Variants in KCNQ5 observed in about 807,000 individuals in gnomAD.
KCNQ5 encodes the protein potassium voltage-gated channel subfamily KQT member 5.
Under a neutral mutation model 98.2 loss-of-function variants are expected in KCNQ5, and 30 were observed. That is an observed-to-expected ratio of 0.31 (90% CI 0.23 to 0.41). The LOEUF is 0.41. Ranked by LOEUF, KCNQ5 falls within the 10% of genes least tolerant of loss-of-function variation. KCNQ5 has a pLI of 1.00. For synonymous variants in KCNQ5, 458 were observed against 449.4 expected, an observed-to-expected ratio of 1.02 and a Z score of -0.24; for missense variants, 835 against 1,182.5, an observed-to-expected ratio of 0.71 and a Z score of 4.31.
At chr6:73,089,030 A>AC (rs1224764807) in intron 5 of KCNQ5, among the ~76,000 whole-genome samples, 1 of 152,100 alleles carries the variant, frequency 6.6e-6, no homozygotes, top group Non-Finnish European at 1.5e-5. Flanking sequence ...GCTTACAAAA[A>AC]CCTTCCGTCA....
At position 73,061,810 on chromosome 6, in the gene KCNQ5, C is replaced by T. The variant is rs142533598; in HGVS notation, c.617-15512C>T. 1.9e-3 allele frequency among the ~76,000 whole-genome samples: 296 copies of T among 152,190 alleles called. 5 individuals are homozygous for T. In the East Asian group the frequency reaches 0.049, roughly 25 times the overall value. Reference sequence around the variant, plus strand: ...CTTAGCTTAATGCCTGGTGTTTAATCAATACTCCATAACTCTTAGTGGTAG... The same window carrying T: ...CTTAGCTTAATGCCTGGTGTTTAATTAATACTCCATAACTCTTAGTGGTAG... On this transcript the variant is annotated intron_variant, in intron 3 of 13. Transcript: ENST00000370398.
intron 1 of KCNQ5, among the ~76,000 whole-genome samples, chr6:72,737,354 C>T (rs1770902089): frequency 6.6e-6 from 1 of 152,098 alleles, no homozygotes; most frequent in Non-Finnish European, 1.5e-5. Context: ...AGAAAAAATA[C>T]GTAATTGTTA....
intron 1 of KCNQ5, among the ~76,000 whole-genome samples, chr6:72,904,315 T>C (rs2150197837): frequency 6.6e-6 from 1 of 152,344 alleles, no homozygotes; most frequent in East Asian, 1.9e-4. Flanking sequence ...GCTGCAGTTC[T>C]GTATCTTTTA....
chr6:73,033,486 G>GA (rs1314204825), intron 2 of KCNQ5, among the ~76,000 whole-genome samples: 1 of 152,112 alleles, frequency 6.6e-6, no homozygotes, highest in Non-Finnish European at 1.5e-5. Context: ...GAAATTTCAG[G>GA]AATCAACTAA....
At chr6:72,899,318 C>A (rs1160534538) in intron 1 of KCNQ5, among the ~76,000 whole-genome samples, 2 of 152,174 alleles carry the variant, frequency 1.3e-5, no homozygotes, top group Non-Finnish European at 2.9e-5. Context: ...TATTTCCCAG[C>A]AACCATCATC....
At chr6:72,979,403 A>T (rs1768320967) in intron 1 of KCNQ5, among the ~76,000 whole-genome samples, 1 of 152,072 alleles carries the variant, frequency 6.6e-6, no homozygotes, top group Admixed American at 6.5e-5. Context: ...TGTGGTTTTG[A>T]TTTGCATTTC....
At chr6:72,955,834 T>G (rs1767015412) in intron 1 of KCNQ5, among the ~76,000 whole-genome samples, 1 of 152,102 alleles carries the variant, frequency 6.6e-6, no homozygotes, top group African/African-American at 2.4e-5. Flanking sequence ...GTGGGAGGAA[T>G]GCTCGAGCCC....
chr6:73,181,742 C>A (rs1011361962), intron 11 of KCNQ5, among the ~76,000 whole-genome samples: 3 of 152,164 alleles, frequency 2.0e-5, no homozygotes, highest in Non-Finnish European at 4.4e-5. Context: ...AATAGAGGAA[C>A]CTTATGATTA....
intron 6 of KCNQ5, among the ~76,000 whole-genome samples, chr6:73,108,301 C>A (rs979885323): frequency 3.3e-5 from 5 of 152,056 alleles, no homozygotes; most frequent in African/African-American, 1.2e-4. Flanking sequence ...TAGAGTGCTC[C>A]CTTGTCTTCT....
chr6:72,937,282 CAAATT>C (rs1284561533), intron 1 of KCNQ5, among the ~76,000 whole-genome samples: 1 of 152,126 alleles, frequency 6.6e-6, no homozygotes, highest in Admixed American at 6.5e-5. Flanking sequence ...AAGTCCTGGA[CAAATT>C]CAGCTGCCAA....
chr6:72,904,553 G>T (rs1779626178), intron 1 of KCNQ5, among the ~76,000 whole-genome samples: 1 of 152,106 alleles, frequency 6.6e-6, no homozygotes, highest in Admixed American at 6.5e-5. Context: ...TTCTTGTAGT[G>T]GTGGCTAGTA....
chr6:73,133,890 C>A (rs980706336), intron 10 of KCNQ5: 16 of 631,136 alleles, frequency 2.5e-5, no homozygotes, highest in Non-Finnish European at 4.5e-5. Flanking sequence ...GTTGTTAATT[C>A]TTCACTTGTA....
At chr6:72,907,178 G>A (rs1419490050) in intron 1 of KCNQ5, among the ~76,000 whole-genome samples, 1 of 152,142 alleles carries the variant, frequency 6.6e-6, no homozygotes, top group African/African-American at 2.4e-5. Context: ...CCCCGGAGAG[G>A]AGGGAGAGGA....
intron 1 of KCNQ5, among the ~76,000 whole-genome samples, chr6:72,793,951 G>C (rs1045347699): frequency 6.6e-6 from 1 of 152,210 alleles, no homozygotes; most frequent in Non-Finnish European, 1.5e-5. Flanking sequence ...GAGAATGAGA[G>C]GAAATGAGTA....
intron 10 of KCNQ5, among the ~76,000 whole-genome samples, chr6:73,151,842 C>A (rs1484988360): frequency 6.6e-6 from 1 of 152,174 alleles, no homozygotes; most frequent in African/African-American, 2.4e-5. Flanking sequence ...TCCATTATTT[C>A]AGACAGTAAA....
intron 1 of KCNQ5, among the ~76,000 whole-genome samples, chr6:72,701,756 C>T (rs914786855): frequency 4.6e-5 from 7 of 152,006 alleles, no homozygotes; most frequent in East Asian, 3.9e-4. Flanking sequence ...ACTCTGTCAC[C>T]GAGGCTGGAG....
intron 1 of KCNQ5, among the ~76,000 whole-genome samples, chr6:72,931,865 A>G (rs1480116805): frequency 6.6e-6 from 1 of 152,162 alleles, no homozygotes; most frequent in Non-Finnish European, 1.5e-5. Flanking sequence ...TGTAGTCCCC[A>G]AAGGCTAGAG....
At chr6:72,646,921 A>C (rs1336183166) in intron 1 of KCNQ5, among the ~76,000 whole-genome samples, 1 of 152,224 alleles carries the variant, frequency 6.6e-6, no homozygotes, top group Non-Finnish European at 1.5e-5. Flanking sequence ...AAATTCACAT[A>C]ACTATCCTAT....
intron 1 of KCNQ5, among the ~76,000 whole-genome samples, chr6:72,837,895 T>TA (rs1341068978): frequency 6.6e-6 from 1 of 152,148 alleles, no homozygotes; most frequent in Non-Finnish European, 1.5e-5. Context: ...TCTGGCTAAA[T>TA]AGAAACCTGA....
Sources: gnomAD v4.1 joint callset for allele counts (sites outside exome capture counted in the v4.1 genomes callset) on GRCh38, gnomAD v4.1.1 for gene constraint, MANE v1.5 for transcripts, NCBI Gene and HGNC (gene_info 2026-07-23, HGNC 2026-07-21) for gene names.